CALN1: variants seen among roughly 807,000 people sequenced by gnomAD.
CALN1 encodes calcium-binding protein 8.
Under a neutral mutation model 30.6 loss-of-function variants are expected in CALN1, and 17 were observed. The observed-to-expected ratio is 0.56, with a 90% confidence interval of 0.38 to 0.83. The LOEUF (loss-of-function observed/expected upper bound fraction) is 0.83, where lower values mean the gene tolerates loss of function less well. Ranked by LOEUF, CALN1 falls within the 40% of genes least tolerant of loss-of-function variation. The pLI, the probability that CALN1 is intolerant of heterozygous loss-of-function variation, is 0.00. For synonymous variants in CALN1, 156 were observed against 131.4 expected (o/e 1.19, Z -1.28); for missense variants, 291 against 354.9 (o/e 0.82, Z 1.45).
chr7:72,369,886 T>G (rs1804117952), intron 2 of CALN1, among the ~76,000 whole-genome samples: 1 of 152,242 alleles, frequency 6.6e-6, no homozygotes, highest in Non-Finnish European at 1.5e-5. Flanking sequence ...ACATTTAACA[T>G]GCTTTCAGTT....
At chr7:72,147,505 G>A (rs1786851046) in intron 3 of CALN1, among the ~76,000 whole-genome samples, 1 of 144,460 alleles carries the variant, frequency 6.9e-6, no homozygotes, top group African/African-American at 2.6e-5. Flanking sequence ...TGGTGGGACT[G>A]TAAACTGGTT....
At chr7:72,205,955 C>T (rs2129547779) in intron 3 of CALN1, among the ~76,000 whole-genome samples, 1 of 152,218 alleles carries the variant, frequency 6.6e-6, no homozygotes, top group East Asian at 1.9e-4. Context: ...GGACTTTTGC[C>T]ATATACTAGC....
chr7:72,315,346 A>G (rs1461921665), intron 2 of CALN1, among the ~76,000 whole-genome samples: 1 of 152,212 alleles, frequency 6.6e-6, no homozygotes, highest in Non-Finnish European at 1.5e-5. Context: ...AATTCACAAA[A>G]GGAAAAATCA....
intron 3 of CALN1, among the ~76,000 whole-genome samples, chr7:72,238,223 T>C (rs1005360416): frequency 1.3e-5 from 2 of 152,180 alleles, no homozygotes; most frequent in Admixed American, 6.6e-5. Context: ...CAAGAGCACA[T>C]CAAAATTAAG....
At chr7:72,254,409 G>C (rs1485754734) in intron 3 of CALN1, among the ~76,000 whole-genome samples, 1 of 152,150 alleles carries the variant, frequency 6.6e-6, no homozygotes, top group South Asian at 2.1e-4. Context: ...GGCCATGAAA[G>C]AACAACGTGA....
intron 3 of CALN1, among the ~76,000 whole-genome samples, chr7:72,171,180 TCA>T (rs1788934066): frequency 1.3e-5 from 2 of 152,006 alleles, no homozygotes; most frequent in African/African-American, 4.8e-5. Context: ...AAAAAAGATT[TCA>T]CAGAGTCAAA....
intron 6 of CALN1, among the ~76,000 whole-genome samples, chr7:71,801,416 G>C (rs62459037): frequency 4.4e-3 from 476 of 107,958 alleles, no homozygotes; most frequent in Middle Eastern, 0.01. Context: ...ATGTATGTAT[G>C]TATGTATGTA....
intron 2 of CALN1, among the ~76,000 whole-genome samples, chr7:72,338,124 G>T (rs943515688): frequency 6.6e-6 from 1 of 152,168 alleles, no homozygotes; most frequent in African/African-American, 2.4e-5. Flanking sequence ...AGACTGTCCC[G>T]TAGACAGATT....
intron 6 of CALN1, among the ~76,000 whole-genome samples, chr7:71,798,127 G>GACAGAGAC (rs1325197715): frequency 8.4e-5 from 3 of 35,612 alleles, no homozygotes; most frequent in Non-Finnish European, 1.9e-4. Flanking sequence ...CAGAGACAGA[G>GACAGAGAC]AGAGAGAGAG....
At chr7:72,111,371 G>A (rs1484139166) in intron 3 of CALN1, among the ~76,000 whole-genome samples, 1 of 152,200 alleles carries the variant, frequency 6.6e-6, no homozygotes, top group Non-Finnish European at 1.5e-5. Context: ...CCTCCCTAAA[G>A]GGAAGCAGAG....
chr7:72,336,600 C>T lies in CALN1; in HGVS notation c.120-57790G>A, dbSNP rs956149142. The T allele has an allele frequency of 2.3e-5, 18 of 794,490 alleles. No individual in the cohort carries two copies. In the African/African-American group the frequency reaches 3.2e-4, roughly 14 times the overall value. The allele number at this position is 794,490 out of a possible 1,614,324, so 49.2% of individuals were successfully genotyped here. On this transcript the variant is annotated intron_variant, in intron 2 of 6. Coordinates refer to ENST00000395275, the MANE Select transcript of CALN1 (RefSeq NM_031468.4). ...TGCCCACTCTGAGCACCAGGGCCCG[C>T]GACAGCCCGGGGGTTTGGACACCCT...
At chr7:71,846,632 CCTT>C (rs1042500634) in intron 5 of CALN1, among the ~76,000 whole-genome samples, 1 of 151,380 alleles carries the variant, frequency 6.6e-6, no homozygotes, top group Non-Finnish European at 1.5e-5. Flanking sequence ...GGGTAACCCT[CCTT>C]CTATTGTGCA....
intron 4 of CALN1, among the ~76,000 whole-genome samples, chr7:72,056,347 G>A (rs1418598713): frequency 1.3e-5 from 2 of 152,070 alleles, no homozygotes; most frequent in Non-Finnish European, 2.9e-5. Flanking sequence ...AAGTACTGAT[G>A]AAGGTTAAGT....
At chr7:72,157,354 T>C (rs1318689547) in intron 3 of CALN1, among the ~76,000 whole-genome samples, 1 of 152,120 alleles carries the variant, frequency 6.6e-6, no homozygotes, top group African/African-American at 2.4e-5. Flanking sequence ...CTCACACCTG[T>C]AATCCCAGCA....
chr7:72,059,464 A>G (rs1339648948), intron 4 of CALN1, among the ~76,000 whole-genome samples: 3 of 33,572 alleles, frequency 8.9e-5, no homozygotes, highest in Non-Finnish European at 7.2e-5. Flanking sequence ...AGTTTTCTGA[A>G]AAAAAAAGCC....
At chr7:71,923,034 T>C (rs1456520283) in intron 5 of CALN1, among the ~76,000 whole-genome samples, 1 of 151,586 alleles carries the variant, frequency 6.6e-6, no homozygotes, top group Non-Finnish European at 1.5e-5. Flanking sequence ...TATTCTATAC[T>C]ATACTATACT....
At chr7:72,424,652 A>G (rs1389645491) in intron 1 of CALN1, among the ~76,000 whole-genome samples, 1 of 152,102 alleles carries the variant, frequency 6.6e-6, no homozygotes, top group Admixed American at 6.6e-5. Flanking sequence ...GCTGGAATGC[A>G]GTGGCGTGAT....
Position 71,894,635 on chromosome 7 carries a change from T to C in CALN1, c.502-84143A>G, listed in dbSNP as rs936182159. Reference sequence around the variant, plus strand: ...GTATTCCAGATGAGATTAGAATATATCTGCCATTTCAATAAAAGTTCCATT... The same window carrying C: ...GTATTCCAGATGAGATTAGAATATACCTGCCATTTCAATAAAAGTTCCATT... On this transcript the variant is annotated intron_variant, in intron 5 of 6. Coordinates refer to ENST00000395275, the MANE Select transcript of CALN1 (RefSeq NM_031468.4). Among the ~76,000 whole-genome samples, 15 of 152,216 alleles carry C rather than the reference T, an allele frequency of 9.9e-5. 1 individual carries two copies. The South Asian group carries it at 1.0e-3, about 11-fold the overall frequency.
intron 5 of CALN1, among the ~76,000 whole-genome samples, chr7:71,833,874 C>T (rs915374755): frequency 1.7e-4 from 26 of 152,112 alleles, no homozygotes; most frequent in African/African-American, 6.0e-4. Flanking sequence ...TGCTACTGTA[C>T]CCTAGCCTGG....
Sources: gnomAD v4.1 joint callset for allele counts (sites outside exome capture counted in the v4.1 genomes callset) on GRCh38, gnomAD v4.1.1 for gene constraint, MANE v1.5 for transcripts, NCBI Gene and HGNC (gene_info 2026-07-23, HGNC 2026-07-21) for gene names.